The following AIFM2 variants were observed in gnomAD, a reference collection of about 807,000 sequenced individuals.
AIFM2 encodes AIF family member 2, ferroptosis suppressor.
AIFM2 carries 38 observed loss-of-function variants against 35.7 expected under a neutral mutation model. The ratio of observed to expected loss-of-function variants is 1.06; its 90% CI spans 0.82 to 1.39. The LOEUF (loss-of-function observed/expected upper bound fraction) is 1.39. Among genes scored for constraint, AIFM2 ranks in the 40% most tolerant of loss-of-function variants. The pLI, the probability that AIFM2 is intolerant of heterozygous loss-of-function variation, is 0.00. For synonymous variants in AIFM2, 185 were observed against 203.5 expected (o/e 0.91, Z 0.77); for missense variants, 476 against 491.2 (o/e 0.97, Z 0.29).
At chr10:70,119,753 T>C (rs982999739) in intron 5 of AIFM2, among the ~76,000 whole-genome samples, 1 of 152,218 alleles carries the variant, frequency 6.6e-6, no homozygotes, top group Non-Finnish European at 1.5e-5. Context: ...AGGCCCCACA[T>C]GGCTCTCAGA....
In AIFM2 at chr10:70,115,058, T is replaced by C. The variant is rs1191820035; in HGVS notation, c.832A>G (p.Ser278Gly). Reference protein sequence around the residue: ...VNEHLQVEGHSNVYAIGDCAD... With the variant: ...VNEHLQVEGHGNVYAIGDCAD... ...CAGTCACCAATGGCGTAGACGTTGC[T>C]GTGGCCCTCCACCTGGAGGTGCTCG... The change falls in exon 8 of 9, where the codon AGC becomes GGC. Residue 278 changes from serine (S) to glycine (G), a missense_variant. Transcript: ENST00000307864. 2 of 1,614,102 alleles carry C rather than the reference T, an allele frequency of 1.2e-6. No individual in the cohort carries two copies. Among genetic ancestry groups the C allele is most frequent in the Non-Finnish European group, 1.7e-6 (2 of 1,180,048 alleles).
intron 1 of AIFM2, among the ~76,000 whole-genome samples, chr10:70,125,518 C>T (rs1407867751): frequency 2.0e-5 from 3 of 147,940 alleles, no homozygotes; most frequent in African/African-American, 5.0e-5. Flanking sequence ...ATTGGGAGGC[C>T]GAGGTGGGAG....
Position 70,131,078 on chromosome 10 carries a change from G to A in AIFM2, c.-14+1656C>T, listed in dbSNP as rs1360158689. Among the ~76,000 whole-genome samples the A allele has an allele frequency of 6.6e-6, 1 of 152,214 alleles. No homozygotes were observed. Among genetic ancestry groups the A allele is most frequent in the Non-Finnish European group, 1.5e-5 (1 of 68,044 alleles). On this transcript the variant is annotated intron_variant, in intron 1 of 8. Coordinates refer to ENST00000307864, the MANE Select transcript of AIFM2 (RefSeq NM_032797.6). The surrounding 1 kb of genome is among the most constrained non-coding windows in gnomAD (Gnocchi z 4.1). ...TGAAAAACCAGGAAGTTACATTTAT[G>A]CCAAAGCTGTTCAGAGGTTGTGCCT... is the stretch of plus-strand genomic sequence containing the variant.
At chr10:70,130,452 A>G (rs1460836701) in intron 1 of AIFM2, among the ~76,000 whole-genome samples, 1 of 152,142 alleles carries the variant, frequency 6.6e-6, no homozygotes, top group African/African-American at 2.4e-5. Context: ...ACTGATCATC[A>G]TGTTTTCAAG....
intron 1 of AIFM2, among the ~76,000 whole-genome samples, chr10:70,126,139 G>A (rs867424389): frequency 6.6e-6 from 1 of 152,250 alleles, no homozygotes; most frequent in Non-Finnish European, 1.5e-5. Context: ...CTGCTGGTGT[G>A]GGAGGAGCCG....
rs748736934 is a variant in AIFM2, at chr10:70,117,896, C to T, written c.532G>A (p.Ala178Thr). The change falls in exon 6 of 9, where the codon GCC becomes ACC. Residue 178 changes from alanine to threonine, a missense_variant. Transcript: ENST00000307864. This position sits in a 1 kb window ranked among gnomAD's most constrained non-coding sequence, Gnocchi z 4.7. ...GGCAGGAGCTCCTTGTCAGCCAGGG[C>T]CACTTGGGAGTGAATGAGAGTGACC... Reference protein sequence around the residue: ...KEVTLIHSQVALADKELLPSV... With the variant: ...KEVTLIHSQVTLADKELLPSV... The T allele has an allele frequency of 3.1e-6, 5 of 1,607,868 alleles. No homozygotes were observed. The highest frequency in any genetic ancestry group is 4.2e-6 in the Non-Finnish European group (5 of 1,177,554).
chr10:70,123,049 G>C (rs764323701), intron 3 of AIFM2, among the ~76,000 whole-genome samples: 19 of 151,980 alleles, frequency 1.3e-4, no homozygotes, highest in Non-Finnish European at 1.9e-4. Flanking sequence ...TTTTTGAGAT[G>C]GAGTCTCTGT....
chr10:70,129,943 G>A (rs2072610401), intron 1 of AIFM2, among the ~76,000 whole-genome samples: 1 of 151,906 alleles, frequency 6.6e-6, no homozygotes, highest in African/African-American at 2.4e-5. Context: ...CAACACTTTG[G>A]GAGGCCAATG....
rs1313068757 is a variant in AIFM2 at position 70,123,530 on chromosome 10, G to A, written c.179-10C>T. The A allele has an allele frequency of 1.2e-6, 2 of 1,611,816 alleles. No homozygotes were observed. The highest frequency in any genetic ancestry group is 1.7e-6 in the Non-Finnish European group (2 of 1,178,092). ...GTCTTTTTGGCGAACCCTGGGGAAG[G>A]GACACAGAAGAGGTCATAGGGCAGA... On this transcript the variant is annotated splice_polypyrimidine_tract_variant and intron_variant, in intron 2 of 8. Coordinates refer to ENST00000307864, the MANE Select transcript of AIFM2 (RefSeq NM_032797.6).
intron 1 of AIFM2, among the ~76,000 whole-genome samples, chr10:70,125,476 G>A (rs1248220197): frequency 1.5e-5 from 2 of 134,890 alleles, no homozygotes. Flanking sequence ...AAAAAAGCCA[G>A]GCGTGGTGAT....
rs184249938 is a variant in AIFM2, at chr10:70,121,734, A to C, written c.295-523T>G. 1.2e-4 allele frequency among the ~76,000 whole-genome samples: 18 copies of C among 151,034 alleles called. 1 individual carries two copies. The highest frequency in any genetic ancestry group is 7.2e-4 in the Admixed American group (11 of 15,210). On this transcript the variant is annotated intron_variant, in intron 3 of 8. Transcript: ENST00000307864. ...ATTTTTAAATTAAAAATAAATAATA[A>C]AATAATTTAATTTTTATTAAATATT...
chr10:70,126,435 A>G (rs2072566783), intron 1 of AIFM2, among the ~76,000 whole-genome samples: 1 of 152,186 alleles, frequency 6.6e-6, no homozygotes, highest in Non-Finnish European at 1.5e-5. Context: ...GCCACTGAAC[A>G]GCCTCATAAG....
At chr10:70,125,600 AGAGT>A (rs1384942526) in intron 1 of AIFM2, among the ~76,000 whole-genome samples, 1 of 150,884 alleles carries the variant, frequency 6.6e-6, no homozygotes, top group African/African-American at 2.4e-5. Flanking sequence ...CCTGGGCCAC[AGAGT>A]GAGACCCCAT....
At chr10:70,114,399 G>T in intron 8 of AIFM2, 70 bp from the exon 9 acceptor site, 2 of 1,588,470 alleles carry the variant, frequency 1.3e-6, no homozygotes, top group Non-Finnish European at 1.7e-6. Flanking sequence ...CCAGAGTGCC[G>T]ATCCTTCCCG....
rs1350976289 is a variant in AIFM2 at position 70,117,758 on chromosome 10, G to A, written c.616+54C>T. On this transcript the variant is annotated intron_variant, in intron 6 of 8. Transcript: ENST00000307864. This position sits in a 1 kb window ranked among gnomAD's most constrained non-coding sequence, Gnocchi z 4.7. The stretch of plus-strand genomic sequence containing the variant: ...CTGGAAGCAGTCACCAAGCCTCCAA[G>A]CCACATCTCACCAGGCCAGGGCAGG... 1.4e-6 allele frequency: 2 copies of A among 1,461,754 alleles called. No individual in the cohort carries two copies. Among genetic ancestry groups the A allele is most frequent in the African/African-American group, 1.4e-5 (1 of 69,512 alleles). The allele number at this position is 1,461,754 out of a possible 1,614,324, so 90.5% of individuals were successfully genotyped here.
At chr10:70,122,765 C>G (rs892852070) in intron 3 of AIFM2, among the ~76,000 whole-genome samples, 2 of 152,208 alleles carry the variant, frequency 1.3e-5, no homozygotes, top group Non-Finnish European at 2.9e-5. Flanking sequence ...CAGTCTCTTA[C>G]CAGCTGTGGG....
chr10:70,128,379 G>C (rs1286244205), intron 1 of AIFM2, among the ~76,000 whole-genome samples: 2 of 152,184 alleles, frequency 1.3e-5, no homozygotes, highest in African/African-American at 4.8e-5. Context: ...TTTTGAGATG[G>C]AGTCTCACTC....
At chr10:70,122,421 T>G (rs1481141223) in intron 3 of AIFM2, among the ~76,000 whole-genome samples, 2 of 152,144 alleles carry the variant, frequency 1.3e-5, no homozygotes, top group Non-Finnish European at 2.9e-5. Flanking sequence ...AGGAATTGTG[T>G]TTCCTTTTGT....
rs1322248539 is a variant in AIFM2, at chr10:70,113,587, G to C, written c.*591C>G. Reference sequence around the variant, plus strand: ...GTAGGAAGGCCATGAGGCTTAAGGAGCACAGGGATTATGCACCTGTTAGCA... The same window carrying C: ...GTAGGAAGGCCATGAGGCTTAAGGACCACAGGGATTATGCACCTGTTAGCA... On this transcript the variant is annotated 3_prime_UTR_variant, in exon 9 of 9. Transcript: ENST00000307864. 2 of 152,308 alleles carry C rather than the reference G, an allele frequency of 1.3e-5. No individual in the cohort carries two copies. The highest frequency in any genetic ancestry group is 6.5e-5 in the Admixed American group (1 of 15,268). 9.4% of individuals were successfully genotyped at this position (152,308 alleles called of 1,614,324 possible).
Sources: gnomAD v4.1 joint callset for allele counts (sites outside exome capture counted in the v4.1 genomes callset) on GRCh38, gnomAD v4.1.1 for gene constraint, Gnocchi (gnomAD v3.1) non-coding constraint, MANE v1.5 for transcripts, NCBI Gene and HGNC (gene_info 2026-07-23, HGNC 2026-07-21) for gene names.